Variants in TGM6 observed in about 807,000 individuals in gnomAD.
TGM6 encodes transglutaminase 6.
Under a neutral mutation model 77.5 loss-of-function variants are expected in TGM6, and 74 were observed. The observed-to-expected ratio is 0.96, with a 90% CI of 0.79 to 1.16. The LOEUF (loss-of-function observed/expected upper bound fraction) is 1.16. Ranked by LOEUF, TGM6 falls within the 50% of genes most tolerant of loss-of-function variation. The probability of loss-of-function intolerance (pLI) is 0.00; values close to 1 mark genes in which losing one functional copy is unlikely to be tolerated. For synonymous variants in TGM6, 383 were observed against 378.9 expected, an observed-to-expected ratio of 1.01 and a Z score of -0.12; for missense variants, 968 against 940.2, an observed-to-expected ratio of 1.03 and a Z score of -0.39.
At position 2,432,648 on chromosome 20, in the gene TGM6, T is replaced by A; in HGVS notation, c.*5T>A. The A allele has an allele frequency of 1.2e-6, 2 of 1,614,054 alleles. No individual in the cohort carries two copies. The highest frequency in any genetic ancestry group is 1.3e-5 in the African/African-American group (1 of 75,004). On this transcript the variant is annotated 3_prime_UTR_variant, in exon 13 of 13. Transcript: ENST00000202625. ...CATGTGGCCACTGCCAAGTGATGGA[T>A]CATGAGGGACTGAGAGGGGTGGATT...
rs765494072 is a variant in TGM6, at chr20:2,399,608, C to T, written c.720C>T (p.Gly240=). 10 of 1,612,336 alleles carry T rather than the reference C, an allele frequency of 6.2e-6. No individual in the cohort carries two copies. In the African/African-American group the frequency reaches 1.1e-4, roughly 17 times the overall value. ...DRGVVQGQWQ[G]KYGGGTSPLH... ...GTGTGGTGCAAGGACAGTGGCAGGG[C>T]AAGTACGGCGGCGGCACCAGCCCGC... Residue 240 remains glycine, a synonymous_variant, in exon 6 of 13, where the codon GGC becomes GGT. Transcript: ENST00000202625.
chr20:2,397,851 G>A (rs2084679279), intron 4 of TGM6, 67 bp from the exon 5 acceptor site: 4 of 1,613,382 alleles, frequency 2.5e-6, no homozygotes, highest in Middle Eastern at 1.6e-4. Flanking sequence ...CCGGGTGAGG[G>A]CTGTGGGAGG....
chr20:2,395,062 A>G (rs1379597010), intron 2 of TGM6, 132 bp from the exon 3 acceptor site: 2 of 1,435,324 alleles, frequency 1.4e-6, no homozygotes, highest in Non-Finnish European at 1.9e-6. Context: ...GCTCTTTGTC[A>G]GGTCCTTCTC....
intron 9 of TGM6, among the ~76,000 whole-genome samples, chr20:2,414,076 A>C (rs1418741105): frequency 6.6e-6 from 1 of 152,096 alleles, no homozygotes; most frequent in Non-Finnish European, 1.5e-5. Flanking sequence ...TTTTTTTGAG[A>C]GCACCTGAAA....
intron 11 of TGM6, 137 bp from the exon 12 acceptor site, chr20:2,430,757 A>T (rs2084918683): frequency 2.5e-6 from 4 of 1,582,406 alleles, no homozygotes; most frequent in Non-Finnish European, 3.5e-6. Context: ...TGGGTGCAAT[A>T]GTGGCACTCA....
In TGM6 at chr20:2,418,076, G is replaced by A. The variant is rs533422105; in HGVS notation, c.1678+503G>A. 2.0e-5 allele frequency among the ~76,000 whole-genome samples: 3 copies of A among 152,044 alleles called. No homozygotes were observed. In the South Asian group the frequency reaches 6.2e-4, roughly 32 times the overall value. ...CACCCAGGCTGGAGTGAAGTGGTGT[G>A]ATCTTAGCTCACTGCAACCTCCACC... On this transcript the variant is annotated intron_variant, in intron 10 of 12. Coordinates refer to ENST00000202625, the MANE Select transcript of TGM6 (RefSeq NM_198994.3).
intron 9 of TGM6, among the ~76,000 whole-genome samples, chr20:2,404,842 T>C (rs539043075): frequency 4.7e-4 from 72 of 152,218 alleles, no homozygotes; most frequent in African/African-American, 1.7e-3. Flanking sequence ...GGTTTCACCA[T>C]GTTGGCCAGG....
intron 10 of TGM6, among the ~76,000 whole-genome samples, chr20:2,428,722 C>T (rs928780268): frequency 3.3e-5 from 5 of 151,878 alleles, no homozygotes; most frequent in African/African-American, 7.2e-5. Context: ...TAATAATACC[C>T]GCTCATGGAA....
intron 9 of TGM6, among the ~76,000 whole-genome samples, chr20:2,412,554 G>A (rs374141640): frequency 6.6e-6 from 1 of 151,980 alleles, no homozygotes; most frequent in East Asian, 1.9e-4. Flanking sequence ...AGGAAGACAG[G>A]GAGGGAGAAA....
At chr20:2,393,740 T>C (rs991903765) in intron 1 of TGM6, among the ~76,000 whole-genome samples, 1 of 151,894 alleles carries the variant, frequency 6.6e-6, no homozygotes, top group Non-Finnish European at 1.5e-5. Context: ...GGCCCCAGGG[T>C]GGTCTCGAGC....
At chr20:2,425,708 G>GTTCT (rs914821600) in intron 10 of TGM6, among the ~76,000 whole-genome samples, 2 of 151,862 alleles carry the variant, frequency 1.3e-5, no homozygotes, top group Admixed American at 6.6e-5. Context: ...TTATGTCATG[G>GTTCT]TTCTTTAAAA....
chr20:2,381,982 T>A (rs1342385275), intron 1 of TGM6, among the ~76,000 whole-genome samples: 2 of 46,622 alleles, frequency 4.3e-5, no homozygotes, highest in Non-Finnish European at 8.0e-5. Context: ...GCAAACTCCC[T>A]CTGCAAGAAC....
At chr20:2,400,511 T>C (rs946340753) in intron 7 of TGM6, 67 bp downstream of exon 7, 1 of 1,607,682 alleles carries the variant, frequency 6.2e-7, no homozygotes. Flanking sequence ...AGGCCTCATC[T>C]TCCATAACAC....
rs140860888 is a variant in TGM6 at position 2,395,307 on chromosome 20, G to A, written c.295G>A (p.Val99Ile). The change falls in exon 3 of 13, where the codon GTC (valine) becomes ATC (isoleucine). Residue 99 changes from valine to isoleucine, a missense_variant. By Grantham distance (29) the Val-to-Ile change is conservative (BLOSUM62 3). Transcript: ENST00000202625. ...GGCTCAGATGGAGAAAACTCTGACCGTCAGTCTCGCCAGCCCTCCCAGTGC... is the reference window on the plus strand; with the variant it reads ...GGCTCAGATGGAGAAAACTCTGACCATCAGTCTCGCCAGCCCTCCCAGTGC... ...REAQMEKTLTVSLASPPSAVI... is the reference protein window; with the variant it reads ...REAQMEKTLTISLASPPSAVI... 283 of 1,614,200 alleles carry A rather than the reference G, an allele frequency of 1.8e-4. 3 individuals carry two copies. In the South Asian group the frequency reaches 2.3e-3, roughly 13 times the overall value.
intron 3 of TGM6, among the ~76,000 whole-genome samples, chr20:2,395,765 A>G (rs571904400): frequency 6.6e-5 from 10 of 152,362 alleles, no homozygotes; most frequent in African/African-American, 2.4e-4. Flanking sequence ...GTAATATGGG[A>G]AAAATAACAG....
intron 4 of TGM6, 110 bp from the exon 5 acceptor site, chr20:2,397,808 C>G (rs2084678931): frequency 1.3e-6 from 2 of 1,582,816 alleles, no homozygotes; most frequent in African/African-American, 2.7e-5. Context: ...TTGGAGGGGG[C>G]AGCAAACTGC....
intron 9 of TGM6, among the ~76,000 whole-genome samples, chr20:2,416,670 C>T (rs944242114): frequency 1.3e-5 from 2 of 152,174 alleles, no homozygotes; most frequent in African/African-American, 4.8e-5. Flanking sequence ...TTTGCCTCCT[C>T]CCTGTTTCCA....
At chr20:2,421,811 A>G (rs529892607) in intron 10 of TGM6, among the ~76,000 whole-genome samples, 1 of 152,056 alleles carries the variant, frequency 6.6e-6, no homozygotes, top group South Asian at 2.1e-4. Context: ...TTTTTCTTTC[A>G]TGGATCATGC....
At position 2,417,418 on chromosome 20, in the gene TGM6, G is replaced by T. The variant is rs140719871; in HGVS notation, c.1523G>T (p.Gly508Val). Reference protein sequence around the residue: ...KFKVLEPPMLGHDLRLALCLA... With the variant: ...KFKVLEPPMLVHDLRLALCLA... ...AAGGTGCTAGAGCCTCCCATGCTGG[G>T]CCACGACCTGAGACTGGCCCTGTGC... Residue 508 changes from glycine (G) to valine (V), a missense_variant, in exon 10 of 13, where the codon GGC becomes GTC. Physicochemically the swap from Gly to Val is moderately radical, Grantham distance 109. Transcript: ENST00000202625. 4 of 1,612,942 alleles carry T rather than the reference G, an allele frequency of 2.5e-6. No homozygotes were observed. Among genetic ancestry groups the T allele is most frequent in the Admixed American group, 1.7e-5 (1 of 60,004 alleles).
Sources: allele counts gnomAD v4.1 joint callset (sites outside exome capture counted in the v4.1 genomes callset), GRCh38; gene constraint gnomAD v4.1.1; transcripts MANE v1.5; gene names NCBI Gene and HGNC (gene_info 2026-07-23, HGNC 2026-07-21).